Variants in ABI1 observed in about 807,000 individuals in gnomAD.
The protein encoded by ABI1 is abl interactor 1.
ABI1 carries 14 observed loss-of-function variants against 54.6 expected under a neutral mutation model. The observed-to-expected ratio is 0.26, with a 90% CI of 0.17 to 0.40. The LOEUF is 0.40. Among genes scored for constraint, ABI1 ranks in the 10% least tolerant of loss-of-function variants. The probability of loss-of-function intolerance (pLI) is 1.00; values close to 1 mark genes in which losing one functional copy is unlikely to be tolerated. For synonymous variants in ABI1, 194 were observed against 209.3 expected, an observed-to-expected ratio of 0.93 and a Z score of 0.63; for missense variants, 443 against 598.3, an observed-to-expected ratio of 0.74 and a Z score of 2.71.
intron 2 of ABI1, among the ~76,000 whole-genome samples, chr10:26,818,103 G>A (rs181662374): frequency 0.016 from 2,163 of 135,352 alleles, 43 homozygotes; most frequent in African/African-American, 0.05. Context: ...AGGTTGCAGT[G>A]AGCCAAGATG....
At chr10:26,756,519 T>G (rs1304920140) in intron 8 of ABI1, among the ~76,000 whole-genome samples, 1 of 152,170 alleles carries the variant, frequency 6.6e-6, no homozygotes, top group African/African-American at 2.4e-5. Context: ...GTTCTTTGCA[T>G]TAAAGTAATT....
At chr10:26,847,099 C>A (rs142258702) in intron 1 of ABI1, among the ~76,000 whole-genome samples, 3 of 152,104 alleles carry the variant, frequency 2.0e-5, no homozygotes, top group Non-Finnish European at 4.4e-5. Flanking sequence ...TGTAAAAAGT[C>A]GCAGAATAAC....
intron 10 of ABI1, among the ~76,000 whole-genome samples, chr10:26,749,502 AT>A (rs1837343895): frequency 6.6e-6 from 1 of 152,182 alleles, no homozygotes; most frequent in Non-Finnish European, 1.5e-5. Flanking sequence ...TCTGAAGGTA[AT>A]TTTATTTTTC....
intron 2 of ABI1, among the ~76,000 whole-genome samples, chr10:26,795,785 G>A (rs1422460039): frequency 3.9e-5 from 6 of 151,968 alleles, no homozygotes; most frequent in Non-Finnish European, 7.4e-5. Context: ...TTCATAGATA[G>A]GAATAATTAA....
At chr10:26,848,321 T>G (rs1349877270) in intron 1 of ABI1, among the ~76,000 whole-genome samples, 1 of 151,576 alleles carries the variant, frequency 6.6e-6, no homozygotes, top group Non-Finnish European at 1.5e-5. Flanking sequence ...TGGAACATAC[T>G]CAAATTAGAA....
At chr10:26,834,940 TAAA>T (rs1383017740) in intron 1 of ABI1, among the ~76,000 whole-genome samples, 1 of 151,626 alleles carries the variant, frequency 6.6e-6, no homozygotes, top group Admixed American at 6.6e-5. Flanking sequence ...CCATCTCTAC[TAAA>T]AATACAAAAA....
intron 1 of ABI1, among the ~76,000 whole-genome samples, chr10:26,825,425 C>T (rs1305907528): frequency 2.0e-5 from 3 of 152,120 alleles, no homozygotes; most frequent in Non-Finnish European, 4.4e-5. Context: ...CTTTGGGAGG[C>T]TGAGGCGGGA....
At chr10:26,808,549 C>A (rs1437016325) in intron 2 of ABI1, among the ~76,000 whole-genome samples, 1 of 151,010 alleles carries the variant, frequency 6.6e-6, no homozygotes, top group African/African-American at 2.4e-5. Context: ...TGGTGAGACC[C>A]CATTTCTGCA....
intron 2 of ABI1, among the ~76,000 whole-genome samples, chr10:26,803,647 T>C (rs551157233): frequency 2.0e-5 from 3 of 152,320 alleles, no homozygotes; most frequent in African/African-American, 7.2e-5. Flanking sequence ...AACCAAATAA[T>C]TGATAATTGA....
chr10:26,782,235 C>G (rs1842201573), intron 2 of ABI1, among the ~76,000 whole-genome samples: 1 of 152,164 alleles, frequency 6.6e-6, no homozygotes, highest in Admixed American at 6.5e-5. Flanking sequence ...AATAGGTACA[C>G]CTTTTATCAC....
chr10:26,789,307 C>T (rs148631186), intron 2 of ABI1: 186 of 152,148 alleles, frequency 1.2e-3, no homozygotes, highest in African/African-American at 4.2e-3. Context: ...GAGACAAAAT[C>T]AAAATAGAAT....
At chr10:26,757,577 T>C (rs1838475672) in intron 8 of ABI1, among the ~76,000 whole-genome samples, 1 of 152,166 alleles carries the variant, frequency 6.6e-6, no homozygotes, top group Non-Finnish European at 1.5e-5. Flanking sequence ...AGACAGACAC[T>C]GGCTACCTTT....
intron 2 of ABI1, among the ~76,000 whole-genome samples, chr10:26,810,997 A>G (rs183574626): frequency 1.3e-5 from 2 of 152,258 alleles, no homozygotes; most frequent in Admixed American, 6.5e-5. Flanking sequence ...GCTATCAGAA[A>G]TCACTGGTAT....
At chr10:26,765,544 A>T (rs1233079460) in intron 6 of ABI1, among the ~76,000 whole-genome samples, 1 of 151,784 alleles carries the variant, frequency 6.6e-6, no homozygotes, top group African/African-American at 2.4e-5. Flanking sequence ...GGTTTTCCTT[A>T]TCTACAGGTT....
intron 2 of ABI1, 79 bp downstream of exon 2, chr10:26,823,059 T>C: frequency 7.8e-7 from 1 of 1,278,926 alleles, no homozygotes; most frequent in Non-Finnish European, 1.1e-6. Flanking sequence ...CAGAAATCCA[T>C]ACATGCAGGC....
chr10:26,797,654 GA>G (rs1844364288), intron 2 of ABI1, among the ~76,000 whole-genome samples: 1 of 152,134 alleles, frequency 6.6e-6, no homozygotes, highest in African/African-American at 2.4e-5. Flanking sequence ...GGCATGGTAG[GA>G]AAAACCTGAT....
intron 2 of ABI1, among the ~76,000 whole-genome samples, chr10:26,792,073 T>C (rs1385089435): frequency 6.6e-6 from 1 of 152,170 alleles, no homozygotes; most frequent in Non-Finnish European, 1.5e-5. Flanking sequence ...AATAATTGTT[T>C]AGTGATACAC....
intron 2 of ABI1, among the ~76,000 whole-genome samples, chr10:26,814,423 T>C (rs1485205366): frequency 6.6e-6 from 1 of 152,122 alleles, no homozygotes; most frequent in Admixed American, 6.5e-5. Context: ...AAGCCCAAAA[T>C]TGCCAATGGA....
chr10:26,786,036 G>A (rs1176533671), intron 2 of ABI1, among the ~76,000 whole-genome samples: 1 of 152,102 alleles, frequency 6.6e-6, no homozygotes, highest in Admixed American at 6.6e-5. Context: ...AAAGATTTTA[G>A]CTTGCATGGA....
Sources: gnomAD v4.1 joint callset for allele counts (sites outside exome capture counted in the v4.1 genomes callset) on GRCh38, gnomAD v4.1.1 for gene constraint, MANE v1.5 for transcripts, NCBI Gene and HGNC (gene_info 2026-07-23, HGNC 2026-07-21) for gene names.